TRAPPC9: variants seen among roughly 807,000 people sequenced by gnomAD.
TRAPPC9 encodes the protein trafficking protein particle complex subunit 9.
A neutral mutation model predicts 124.0 loss-of-function variants in TRAPPC9; 83 were observed. The ratio of observed to expected loss-of-function variants is 0.67; its 90% CI spans 0.56 to 0.80. TRAPPC9 has a LOEUF of 0.80. TRAPPC9 is among the 30% of genes least tolerant of loss of function. TRAPPC9 has a pLI of 0.00. For synonymous variants in TRAPPC9, 638 were observed against 617.5 expected, an observed-to-expected ratio of 1.03 and a Z score of -0.49; for missense variants, 1,302 against 1,508.3, an observed-to-expected ratio of 0.86 and a Z score of 2.27.
intron 21 of TRAPPC9, among the ~76,000 whole-genome samples, chr8:139,790,760 C>T (rs1822604788): frequency 6.6e-6 from 1 of 152,144 alleles, no homozygotes; most frequent in Non-Finnish European, 1.5e-5. Context: ...TTGTCTCCAC[C>T]AAATCTCATG....
At chr8:140,349,445 G>A (rs1399124209) in intron 9 of TRAPPC9, among the ~76,000 whole-genome samples, 49 of 148,594 alleles carry the variant, frequency 3.3e-4, no homozygotes, top group Admixed American at 3.3e-3. Flanking sequence ...GGGCGCGCGA[G>A]GGAAGGGCAC....
At chr8:139,831,066 C>T (rs1293459639) in intron 21 of TRAPPC9, among the ~76,000 whole-genome samples, 1 of 152,184 alleles carries the variant, frequency 6.6e-6, no homozygotes, top group Non-Finnish European at 1.5e-5. Context: ...CAGAAATGAG[C>T]CATCTGCTAA....
chr8:139,802,243 T>C (rs1257386968), intron 21 of TRAPPC9, among the ~76,000 whole-genome samples: 1 of 152,142 alleles, frequency 6.6e-6, no homozygotes, highest in Non-Finnish European at 1.5e-5. Context: ...CACCTGATCA[T>C]GGCGCAGGAG....
intron 17 of TRAPPC9, among the ~76,000 whole-genome samples, chr8:140,090,908 C>T (rs1489371746): frequency 2.6e-5 from 4 of 152,228 alleles, no homozygotes; most frequent in African/African-American, 9.6e-5. Flanking sequence ...GGTGATACGT[C>T]TTAGCTCCAG....
At chr8:139,918,636 C>G (rs1022154692) in intron 19 of TRAPPC9, among the ~76,000 whole-genome samples, 1 of 152,230 alleles carries the variant, frequency 6.6e-6, no homozygotes, top group Non-Finnish European at 1.5e-5. Context: ...TGGAAGTGCC[C>G]GACATCGGGA....
intron 7 of TRAPPC9, 27 bp downstream of exon 7, chr8:140,397,593 T>A (rs2069133877): frequency 6.2e-7 from 1 of 1,613,318 alleles, no homozygotes. Flanking sequence ...GATGAACTCT[T>A]CCACTTACAG....
At chr8:140,069,104 G>T (rs1843012215) in intron 17 of TRAPPC9, among the ~76,000 whole-genome samples, 1 of 152,200 alleles carries the variant, frequency 6.6e-6, no homozygotes, top group Admixed American at 6.5e-5. Flanking sequence ...AAAGGGAGCT[G>T]TCCCGATCCC....
chr8:140,312,557 T>A (rs2066325635), intron 9 of TRAPPC9, among the ~76,000 whole-genome samples: 1 of 152,162 alleles, frequency 6.6e-6, no homozygotes, highest in African/African-American at 2.4e-5. Flanking sequence ...ATAACCATTA[T>A]CATCATTATC....
intron 18 of TRAPPC9, among the ~76,000 whole-genome samples, chr8:140,001,471 T>C (rs1041235026): frequency 6.6e-6 from 1 of 151,704 alleles, no homozygotes; most frequent in African/African-American, 2.4e-5. Flanking sequence ...AGGGCAGAAA[T>C]GAATTAAAAT....
Position 140,002,966 on chromosome 8 carries a change from GA to G in TRAPPC9, c.2700-14131del, listed in dbSNP as rs566574342. Reference sequence around the variant, plus strand: ...TACAATTTTACAAGAAAACATAAAAGAAAAAAAAGCACAACCAAAAGTAGGA... The same window carrying G: ...TACAATTTTACAAGAAAACATAAAAGAAAAAAAGCACAACCAAAAGTAGGA... On this transcript the variant is annotated intron_variant, in intron 18 of 22. Coordinates refer to ENST00000438773, the MANE Select transcript of TRAPPC9 (RefSeq NM_001160372.4). 2.8e-3 allele frequency among the ~76,000 whole-genome samples: 360 copies of G among 129,276 alleles called. 1 individual carries two copies. Among genetic ancestry groups the G allele is most frequent in the Non-Finnish European group, 4.2e-3 (241 of 57,958 alleles). 84.8% of individuals were successfully genotyped at this position (129,276 alleles called of 152,430 possible).
upstream of TRAPPC9, chr8:140,458,431 T>A: frequency 6.3e-7 from 1 of 1,583,404 alleles, no homozygotes; most frequent in Non-Finnish European, 8.6e-7. Context: ...CCCACGTGGG[T>A]GGGTGACCGT....
intron 17 of TRAPPC9, among the ~76,000 whole-genome samples, chr8:140,197,382 G>A (rs1300012863): frequency 6.6e-6 from 1 of 152,216 alleles, no homozygotes; most frequent in African/African-American, 2.4e-5. Flanking sequence ...AGAGGGCAGG[G>A]CAGGCGCCTC....
chr8:139,900,615 C>T (rs1301590203), intron 20 of TRAPPC9, among the ~76,000 whole-genome samples: 1 of 152,212 alleles, frequency 6.6e-6, no homozygotes, highest in Non-Finnish European at 1.5e-5. Flanking sequence ...TGTGCCATCT[C>T]AGTTAATCTC....
chr8:139,832,715 C>T (rs1826070458), intron 21 of TRAPPC9, among the ~76,000 whole-genome samples: 2 of 152,210 alleles, frequency 1.3e-5, no homozygotes, highest in South Asian at 4.2e-4. Flanking sequence ...CATGAGCCTG[C>T]CCAGAAGAGC....
intron 9 of TRAPPC9, among the ~76,000 whole-genome samples, chr8:140,329,517 T>C (rs2131991496): frequency 6.6e-6 from 1 of 152,256 alleles, no homozygotes; most frequent in African/African-American, 2.4e-5. Context: ...TTACTTAATA[T>C]TTACATTTAT....
chr8:139,887,739 C>T (rs1830106330), intron 20 of TRAPPC9, among the ~76,000 whole-genome samples: 1 of 152,222 alleles, frequency 6.6e-6, no homozygotes, highest in African/African-American at 2.4e-5. Flanking sequence ...CTGTGCTAGA[C>T]ACGGTCATCT....
At chr8:140,191,054 G>A (rs1038303667) in intron 17 of TRAPPC9, among the ~76,000 whole-genome samples, 1 of 152,138 alleles carries the variant, frequency 6.6e-6, no homozygotes, top group Admixed American at 6.5e-5. Flanking sequence ...AGGAGAGGGT[G>A]GGGGTTACAA....
At chr8:140,346,107 T>G (rs1008136383) in intron 9 of TRAPPC9, among the ~76,000 whole-genome samples, 1 of 152,152 alleles carries the variant, frequency 6.6e-6, no homozygotes, top group East Asian at 1.9e-4. Context: ...AAATCCATAC[T>G]CAGACATGCA....
intron 17 of TRAPPC9, chr8:140,215,986 G>A (rs1389862063): frequency 6.6e-6 from 1 of 152,228 alleles, no homozygotes; most frequent in African/African-American, 2.4e-5. Flanking sequence ...CCAAGGGGAA[G>A]GCATCAAAGG....
Sources: allele counts gnomAD v4.1 joint callset (sites outside exome capture counted in the v4.1 genomes callset), GRCh38; gene constraint gnomAD v4.1.1; transcripts MANE v1.5; gene names NCBI Gene and HGNC (gene_info 2026-07-23, HGNC 2026-07-21).